The following C16orf87 variants were observed in gnomAD, a reference collection of about 807,000 sequenced individuals.
C16orf87 encodes UPF0547 protein C16orf87.
In C16orf87, 13 loss-of-function variants were observed where a neutral mutation model predicts 21.0. The observed-to-expected ratio is 0.62, with a 90% CI of 0.40 to 0.98. The LOEUF (loss-of-function observed/expected upper bound fraction) is 0.98. Among genes scored for constraint, C16orf87 ranks in the 50% least tolerant of loss-of-function variants. The probability of loss-of-function intolerance (pLI) is 0.00; values close to 1 mark genes in which losing one functional copy is unlikely to be tolerated. For synonymous variants in C16orf87, 49 were observed against 60.2 expected, an observed-to-expected ratio of 0.81 and a Z score of 0.86; for missense variants, 113 against 180.4, an observed-to-expected ratio of 0.63 and a Z score of 2.14.
intron 2 of C16orf87, among the ~76,000 whole-genome samples, chr16:46,812,740 T>C (rs1455220346): frequency 6.6e-6 from 1 of 152,224 alleles, no homozygotes; most frequent in African/African-American, 2.4e-5. Context: ...CTGTACTTTC[T>C]GCCTTCAGTT....
intron 1 of C16orf87, 91 bp from the exon 2 acceptor site, chr16:46,824,573 A>G: frequency 1.9e-6 from 1 of 522,316 alleles, no homozygotes; most frequent in Non-Finnish European, 3.3e-6. Flanking sequence ...TGAATGATAA[A>G]TTACTTGAAG....
Position 46,800,080 on chromosome 16 carries a change from G to C in C16orf87, c.*2872C>G, listed in dbSNP as rs539312369. 2.0e-5 allele frequency: 3 copies of C among 152,216 alleles called. No homozygotes were observed. The East Asian group carries it at 5.8e-4, about 29-fold the overall frequency. The allele number at this position is 152,216 out of a possible 1,614,324, so 9.4% of individuals were successfully genotyped here. On this transcript the variant is annotated 3_prime_UTR_variant, in exon 4 of 4. Coordinates refer to ENST00000285697, the MANE Select transcript of C16orf87 (RefSeq NM_001001436.4). Reference sequence around the variant, plus strand: ...ATTAGAGAATCAAGTGCAATTACTAGAGTTAAAGAAGTCAAATACTTTTCA... The same window carrying C: ...ATTAGAGAATCAAGTGCAATTACTACAGTTAAAGAAGTCAAATACTTTTCA...
chr16:46,814,505 C>A lies in C16orf87; in HGVS notation c.164-4720G>T, dbSNP rs1171142629. Reference sequence around the variant, plus strand: ...TTTCACATTCCACCCCAGAATGAAGCCTGCCTTATTTTGGCAATAAGGGAA... The same window carrying A: ...TTTCACATTCCACCCCAGAATGAAGACTGCCTTATTTTGGCAATAAGGGAA... On this transcript the variant is annotated intron_variant, in intron 2 of 3. Coordinates refer to ENST00000285697, the MANE Select transcript of C16orf87 (RefSeq NM_001001436.4). Among the ~76,000 whole-genome samples, 5 of 152,220 alleles carry A rather than the reference C, an allele frequency of 3.3e-5. No individual in the cohort carries two copies. In the East Asian group the frequency reaches 7.7e-4, roughly 23 times the overall value.
Position 46,830,336 on chromosome 16 carries a change from G to T in C16orf87, c.66+748C>A, listed in dbSNP as rs547212221. Among the ~76,000 whole-genome samples, 6 of 147,208 alleles carry T rather than the reference G, an allele frequency of 4.1e-5. No individual in the cohort carries two copies. In the South Asian group the frequency reaches 1.3e-3, roughly 32 times the overall value. Reference sequence around the variant, plus strand: ...ACACAGAGACATTCAGACAGACAGGGATACAGATCTGGAAGCAGACAGGCC... The same window carrying T: ...ACACAGAGACATTCAGACAGACAGGTATACAGATCTGGAAGCAGACAGGCC... On this transcript the variant is annotated intron_variant, in intron 1 of 3. Coordinates refer to ENST00000285697, the MANE Select transcript of C16orf87 (RefSeq NM_001001436.4).
chr16:46,804,162 T>G (rs929076664), intron 3 of C16orf87, among the ~76,000 whole-genome samples: 4 of 152,212 alleles, frequency 2.6e-5, no homozygotes, highest in African/African-American at 7.2e-5. Context: ...TTCAGGATGT[T>G]TACACGTATC....
chr16:46,804,109 T>G (rs948656388), intron 3 of C16orf87, among the ~76,000 whole-genome samples: 6 of 152,242 alleles, frequency 3.9e-5, no homozygotes, highest in African/African-American at 1.4e-4. Flanking sequence ...TAGTTTTCAT[T>G]TCTAACTCAA....
intron 2 of C16orf87, among the ~76,000 whole-genome samples, chr16:46,810,173 G>C (rs1968041738): frequency 6.6e-6 from 1 of 152,122 alleles, no homozygotes; most frequent in African/African-American, 2.4e-5. Flanking sequence ...CTCTACCTGA[G>C]TTAAAGATTA....
intron 2 of C16orf87, among the ~76,000 whole-genome samples, chr16:46,819,726 G>A (rs1959333240): frequency 6.6e-6 from 1 of 151,754 alleles, no homozygotes; most frequent in South Asian, 2.1e-4. Context: ...TGTAATCCTA[G>A]CACTCTGGGA....
chr16:46,831,167 G>GCGGCAGCAGCGA lies in C16orf87; in HGVS notation c.-30_-19dup, dbSNP rs758509506. On this transcript the variant is annotated 5_prime_UTR_variant, in exon 1 of 4. Coordinates refer to ENST00000285697, the MANE Select transcript of C16orf87 (RefSeq NM_001001436.4). ...GCAGACATGCTCCTCTCCCTTAGCG[G>GCGGCAGCAGCGA]CGGCAGCAGCGACGGCTCGGGCTCC... The GCGGCAGCAGCGA allele has an allele frequency of 3.2e-6, 5 of 1,552,658 alleles. No homozygotes were observed. The highest frequency in any genetic ancestry group is 1.7e-4 in the Middle Eastern group (1 of 5,796).
intron 2 of C16orf87, among the ~76,000 whole-genome samples, chr16:46,812,358 A>G (rs1968113973): frequency 6.6e-6 from 1 of 152,214 alleles, no homozygotes; most frequent in Admixed American, 6.5e-5. Context: ...TGAAAATGTG[A>G]ACACAAGTCG....
chr16:46,831,017 C>G (rs1261749601), intron 1 of C16orf87, 67 bp downstream of exon 1: 1 of 1,321,262 alleles, frequency 7.6e-7, no homozygotes, highest in African/African-American at 1.5e-5. Context: ...CCGGCGAGGC[C>G]CCCCTCCACA....
chr16:46,813,890 A>T (rs1968169506), intron 2 of C16orf87, among the ~76,000 whole-genome samples: 1 of 152,196 alleles, frequency 6.6e-6, no homozygotes, highest in South Asian at 2.1e-4. Context: ...CGTCTCCTCC[A>T]TCAAAATATA....
intron 2 of C16orf87, among the ~76,000 whole-genome samples, chr16:46,810,283 C>T (rs148760312): frequency 2.7e-4 from 41 of 151,896 alleles, no homozygotes; most frequent in African/African-American, 9.2e-4. Context: ...ATATAAAAAC[C>T]CTAGGCAAGT....
At position 46,809,584 on chromosome 16, in the gene C16orf87, C is replaced by T. The variant is rs770717134; in HGVS notation, c.346+19G>A. ...ATCAATTTAATACTTGAAAAAAAAA[C>T]TGCTTGATTTGTTCATACCTCTTTC... On this transcript the variant is annotated intron_variant, in intron 3 of 3. Coordinates refer to ENST00000285697, the MANE Select transcript of C16orf87 (RefSeq NM_001001436.4). The T allele has an allele frequency of 2.6e-6, 4 of 1,551,010 alleles. No individual in the cohort carries two copies. The South Asian group carries it at 4.7e-5, about 18-fold the overall frequency.
chr16:46,827,306 C>G (rs1959657140), intron 1 of C16orf87, among the ~76,000 whole-genome samples: 1 of 152,038 alleles, frequency 6.6e-6, no homozygotes, highest in African/African-American at 2.4e-5. Context: ...AAAGAATTAT[C>G]AAATAGGTTG....
Position 46,802,886 on chromosome 16 carries a change from C to T in C16orf87, c.*66G>A, listed in dbSNP as rs1287400340. On this transcript the variant is annotated 3_prime_UTR_variant, in exon 4 of 4. Transcript: ENST00000285697. ...TGCAGTCAGAATGCTCCTGAGAGTC[C>T]ATAACTGTTTGAGAATTTGCTGATG... 11 of 786,324 alleles carry T rather than the reference C, an allele frequency of 1.4e-5. No individual in the cohort carries two copies. The Admixed American group carries it at 1.9e-4, about 13-fold the overall frequency. 48.7% of individuals were successfully genotyped at this position (786,324 alleles called of 1,614,324 possible). A position where few individuals can be genotyped will look rare whatever the true frequency, so the allele number is the denominator to read the frequency against.
At chr16:46,823,109 C>T (rs1487963775) in intron 2 of C16orf87, among the ~76,000 whole-genome samples, 3 of 152,216 alleles carry the variant, frequency 2.0e-5, no homozygotes, top group African/African-American at 7.2e-5. Flanking sequence ...CCCCTTCTAT[C>T]CACTGAGACT....
At chr16:46,822,361 G>A (rs1343316603) in intron 2 of C16orf87, among the ~76,000 whole-genome samples, 1 of 152,166 alleles carries the variant, frequency 6.6e-6, no homozygotes, top group Non-Finnish European at 1.5e-5. Context: ...TTCATTTTTA[G>A]AAACTCAGCA....
At chr16:46,826,453 C>T (rs118067990) in intron 1 of C16orf87, among the ~76,000 whole-genome samples, 4,803 of 152,230 alleles carry the variant, frequency 0.032, 105 homozygotes, top group Middle Eastern at 0.068. Flanking sequence ...TATGTATGTA[C>T]AGAATGCCTC....
Sources: gnomAD v4.1 joint callset for allele counts (sites outside exome capture counted in the v4.1 genomes callset) on GRCh38, gnomAD v4.1.1 for gene constraint, MANE v1.5 for transcripts, NCBI Gene and HGNC (gene_info 2026-07-23, HGNC 2026-07-21) for gene names.